Variants in USH2A observed in about 807,000 individuals in gnomAD.
USH2A encodes usherin.
In USH2A, 443 loss-of-function variants were observed where a neutral mutation model predicts 538.9. The observed-to-expected ratio is 0.82, with a 90% CI of 0.76 to 0.89. USH2A has a LOEUF of 0.89. Ranked by LOEUF, USH2A falls within the 40% of genes least tolerant of loss-of-function variation. The probability of loss-of-function intolerance (pLI) is 0.00; values close to 1 mark genes in which losing one functional copy is unlikely to be tolerated. For missense variants in USH2A, 6,633 were observed against 6,324.8 expected, an observed-to-expected ratio of 1.05 and a Z score of -1.65; for synonymous variants, 2,413 against 2,273.5, an observed-to-expected ratio of 1.06 and a Z score of -1.75.
At chr1:216,196,172 T>C (rs2034837937) in intron 19 of USH2A, among the ~76,000 whole-genome samples, 1 of 152,168 alleles carries the variant, frequency 6.6e-6, no homozygotes, top group South Asian at 2.1e-4. Context: ...ATGTTATTTA[T>C]ATTTCCAAAA....
In USH2A at chr1:215,728,224, T is replaced by C. The variant is rs1461879422; in HGVS notation, c.11872A>G (p.Thr3958Ala). 1 of 1,614,142 alleles carries C rather than the reference T, an allele frequency of 6.2e-7. No homozygotes were observed. Among genetic ancestry groups the C allele is most frequent in the Admixed American group, 1.7e-5 (1 of 60,016 alleles). ...KGSVESLWSL[T>A]QTLEAPPQDF... ...TGAGGTGGAGCTTCCAGAGTTTGTGTTAATGACCACAGACTCTCCACTGAA... is the reference window on the plus strand; with the variant it reads ...TGAGGTGGAGCTTCCAGAGTTTGTGCTAATGACCACAGACTCTCCACTGAA... Residue 3958 changes from threonine to alanine, a missense_variant, in exon 61 of 72, where the codon ACA (threonine) becomes GCA (alanine). Thr to Ala is a moderately conservative substitution (Grantham distance 58). Transcript: ENST00000307340.
chr1:215,922,487 T>C (rs1666127163), intron 38 of USH2A, among the ~76,000 whole-genome samples: 2 of 152,122 alleles, frequency 1.3e-5, no homozygotes, highest in South Asian at 4.1e-4. Context: ...ATTATACCTA[T>C]TTTTCCCTGA....
At chr1:216,365,885 C>T (rs1004259398) in intron 3 of USH2A, among the ~76,000 whole-genome samples, 7 of 152,008 alleles carry the variant, frequency 4.6e-5, no homozygotes, top group African/African-American at 1.7e-4. Context: ...CAATTTGACC[C>T]ACAGGTTGTA....
chr1:215,668,551 A>G (rs773216895), intron 64 of USH2A, among the ~76,000 whole-genome samples: 6 of 152,228 alleles, frequency 3.9e-5, no homozygotes, highest in Non-Finnish European at 7.3e-5. Context: ...TTTGAGTGAG[A>G]TGAGTATGGA....
rs115941797 is a variant in USH2A, at chr1:215,723,591, A to T, written c.12066+4439T>A. Among the ~76,000 whole-genome samples, 190 of 152,352 alleles carry T rather than the reference A, an allele frequency of 1.2e-3. 2 individuals carry two copies. The highest frequency in any genetic ancestry group is 4.4e-3 in the African/African-American group (181 of 41,582). On this transcript the variant is annotated intron_variant, in intron 61 of 71. Transcript: ENST00000307340. ...AGCAGTACCTCTTGCGAGTTTGTGG[A>T]CTGAACTGCAATCCTACAGTTGTGG...
intron 32 of USH2A, among the ~76,000 whole-genome samples, chr1:216,024,676 T>C (rs1256736093): frequency 1.3e-5 from 2 of 152,020 alleles, no homozygotes; most frequent in African/African-American, 4.8e-5. Flanking sequence ...ATTTATTAAT[T>C]CCATAAGTAT....
intron 69 of USH2A, among the ~76,000 whole-genome samples, chr1:215,637,696 G>C (rs929746672): frequency 6.6e-6 from 1 of 152,004 alleles, no homozygotes; most frequent in Admixed American, 6.6e-5. Context: ...AGAATAATAC[G>C]TTATTTTTAC....
chr1:216,098,748 A>G (rs1346649463), intron 21 of USH2A, among the ~76,000 whole-genome samples: 2 of 152,260 alleles, frequency 1.3e-5, no homozygotes, highest in Admixed American at 1.3e-4. Flanking sequence ...AAAAAAGACA[A>G]TTAAAAAAAT....
rs569939726 is a variant in USH2A at position 215,845,512 on chromosome 1, A to C, written c.9055+312T>G. Among the ~76,000 whole-genome samples, 144 of 152,224 alleles carry C rather than the reference A, an allele frequency of 9.5e-4. 1 individual carries two copies. Among genetic ancestry groups the C allele is most frequent in the Admixed American group, 1.6e-3 (25 of 15,270 alleles). ...TGAAAAACGTACTGCTTCTGAGGGCAAATCTTAAAAAAAAAGTTTCTAAAT... is the reference window on the plus strand; with the variant it reads ...TGAAAAACGTACTGCTTCTGAGGGCCAATCTTAAAAAAAAAGTTTCTAAAT... On this transcript the variant is annotated intron_variant, in intron 45 of 71. Coordinates refer to ENST00000307340, the MANE Select transcript of USH2A (RefSeq NM_206933.4).
chr1:215,826,752 T>A (rs919064705), intron 47 of USH2A, among the ~76,000 whole-genome samples: 3 of 152,282 alleles, frequency 2.0e-5, no homozygotes, highest in South Asian at 2.1e-4. Flanking sequence ...GTAAAGGATT[T>A]TTTTTTCTCT....
intron 46 of USH2A, among the ~76,000 whole-genome samples, chr1:215,842,157 C>T (rs1330685422): frequency 1.3e-5 from 2 of 152,078 alleles, no homozygotes; most frequent in African/African-American, 4.8e-5. Flanking sequence ...AACCCTGTCT[C>T]TACTGAAAAT....
At chr1:215,703,170 CTCCT>C (rs1659082411) in intron 61 of USH2A, among the ~76,000 whole-genome samples, 1 of 152,172 alleles carries the variant, frequency 6.6e-6, no homozygotes. Flanking sequence ...CTGCTGCCTG[CTCCT>C]TCCTCTGGAA....
intron 35 of USH2A, among the ~76,000 whole-genome samples, chr1:215,990,237 T>C (rs2102474133): frequency 6.6e-6 from 1 of 152,298 alleles, no homozygotes; most frequent in African/African-American, 2.4e-5. Flanking sequence ...ATCGGTATTC[T>C]CAAAAGAGAA....
chr1:215,686,317 G>C (rs1170375211), intron 61 of USH2A, among the ~76,000 whole-genome samples: 3 of 152,062 alleles, frequency 2.0e-5, no homozygotes, highest in African/African-American at 7.2e-5. Flanking sequence ...CAGAAGAAAG[G>C]GGGTGAGGAC....
chr1:216,190,497 GGT>G, intron 19 of USH2A, 130 bp from the exon 20 acceptor site: 1 of 1,203,710 alleles, frequency 8.3e-7, no homozygotes. Context: ...TTAGGAAAAG[GGT>G]TTTTTTTTTT....
At chr1:216,090,442 A>G (rs1276721929) in intron 22 of USH2A, among the ~76,000 whole-genome samples, 1 of 151,956 alleles carries the variant, frequency 6.6e-6, no homozygotes, top group African/African-American at 2.4e-5. Flanking sequence ...AAAAAAAAAA[A>G]AAAAAAAAGC....
rs367693972 is a variant in USH2A, at chr1:216,251,035, C to T, written c.2035G>A (p.Gly679Arg). Residue 679 changes from glycine (G) to arginine (R), a missense_variant, in exon 12 of 72, where the codon GGA (glycine) becomes AGA (arginine). Transcript: ENST00000307340. ...SGRQCNQCQN[G>R]FYNLQELDPD... ...TCCAACTCTTGTAGATTGTAGAATCCATTCTGGCACTGATTGCACTGCCTG... is the reference window on the plus strand; with the variant it reads ...TCCAACTCTTGTAGATTGTAGAATCTATTCTGGCACTGATTGCACTGCCTG... 1.1e-4 allele frequency: 178 copies of T among 1,613,918 alleles called. No individual in the cohort carries two copies. The highest frequency in any genetic ancestry group is 1.5e-4 in the Non-Finnish European group (174 of 1,179,992).
intron 32 of USH2A, among the ~76,000 whole-genome samples, chr1:216,041,827 C>T (rs1219660180): frequency 6.6e-6 from 1 of 151,186 alleles, no homozygotes; most frequent in Admixed American, 6.6e-5. Flanking sequence ...CTTTAAAATG[C>T]AAATTAAAAT....
intron 16 of USH2A, among the ~76,000 whole-genome samples, chr1:216,200,802 A>C (rs2034970351): frequency 6.6e-6 from 1 of 152,178 alleles, no homozygotes; most frequent in South Asian, 2.1e-4. Flanking sequence ...AGGACAGGAA[A>C]CACACTGTAG....
Sources: gnomAD v4.1 joint callset for allele counts (sites outside exome capture counted in the v4.1 genomes callset) on GRCh38, gnomAD v4.1.1 for gene constraint, MANE v1.5 for transcripts, NCBI Gene and HGNC (gene_info 2026-07-23, HGNC 2026-07-21) for gene names.